KIF2A: variants seen among roughly 807,000 people sequenced by gnomAD.
The protein encoded by KIF2A is kinesin family member 2A.
A neutral mutation model predicts 100.2 loss-of-function variants in KIF2A; 22 were observed. The ratio of observed to expected loss-of-function variants is 0.22; its 90% CI spans 0.16 to 0.31. The LOEUF (loss-of-function observed/expected upper bound fraction) is 0.31. KIF2A is among the 10% of genes least tolerant of loss of function. The pLI, the probability that KIF2A is intolerant of heterozygous loss-of-function variation, is 1.00. For missense variants in KIF2A, 495 were observed against 898.7 expected, an observed-to-expected ratio of 0.55 and a Z score of 5.74; for synonymous variants, 268 against 285.9, an observed-to-expected ratio of 0.94 and a Z score of 0.63.
intron 1 of KIF2A, among the ~76,000 whole-genome samples, chr5:62,316,035 C>T (rs1312631269): frequency 1.3e-5 from 2 of 152,142 alleles, no homozygotes; most frequent in Admixed American, 6.6e-5. Flanking sequence ...ATCAGGCTAA[C>T]GCTGTTCAAG....
At chr5:62,333,263 G>T (rs532995205) in intron 1 of KIF2A, among the ~76,000 whole-genome samples, 50 of 152,328 alleles carry the variant, frequency 3.3e-4, no homozygotes, top group Admixed American at 5.2e-4. Context: ...AAACCAAGAG[G>T]TGTTCTATTG....
chr5:62,327,484 A>G (rs1344818730), intron 1 of KIF2A, among the ~76,000 whole-genome samples: 2 of 152,194 alleles, frequency 1.3e-5, no homozygotes, highest in Non-Finnish European at 2.9e-5. Context: ...ATTTAAATTG[A>G]CAATCCCCAA....
intron 1 of KIF2A, among the ~76,000 whole-genome samples, chr5:62,346,217 C>T (rs1037963880): frequency 2.0e-5 from 3 of 152,038 alleles, no homozygotes; most frequent in African/African-American, 4.8e-5. Context: ...AAGTTTACTA[C>T]ATTATATATA....
At chr5:62,369,455 G>A (rs989997142) in intron 16 of KIF2A, among the ~76,000 whole-genome samples, 1 of 152,180 alleles carries the variant, frequency 6.6e-6, no homozygotes, top group Non-Finnish European at 1.5e-5. Context: ...GAACAGCCTG[G>A]AGGAAGTTGC....
In KIF2A at chr5:62,387,395, C is replaced by T. The variant is rs1742084491; in HGVS notation, c.*1826C>T. 1 of 152,146 alleles carries T rather than the reference C, an allele frequency of 6.6e-6. No homozygotes were observed. The highest frequency in any genetic ancestry group is 2.1e-4 in the South Asian group (1 of 4,832). 9.4% of individuals were successfully genotyped at this position (152,146 alleles called of 1,614,324 possible). ...GGCAATAAAGACATGTGAATTTGCTCATTTTAAAGCACAACAGATGATTAG... is the reference window on the plus strand; with the variant it reads ...GGCAATAAAGACATGTGAATTTGCTTATTTTAAAGCACAACAGATGATTAG... On this transcript the variant is annotated 3_prime_UTR_variant, in exon 21 of 21. Coordinates refer to ENST00000407818, the MANE Select transcript of KIF2A (RefSeq NM_001098511.3).
At chr5:62,353,854 C>T (rs2111928705) in intron 6 of KIF2A, among the ~76,000 whole-genome samples, 1 of 151,846 alleles carries the variant, frequency 6.6e-6, no homozygotes, top group South Asian at 2.1e-4. Flanking sequence ...ATTGTGTCCC[C>T]CTCAGGGTCC....
At chr5:62,355,073 A>G in intron 6 of KIF2A, 86 bp from the exon 7 acceptor site, 1 of 665,188 alleles carries the variant, frequency 1.5e-6, no homozygotes, top group Non-Finnish European at 2.6e-6. Context: ...AAATGGCACA[A>G]TTTAATTTTA....
In KIF2A at chr5:62,365,481, T is replaced by C. The variant is rs536332500; in HGVS notation, c.1578+128T>C. 1.1e-3 allele frequency: 583 copies of C among 543,810 alleles called. 3 individuals are homozygous for C. Among genetic ancestry groups the C allele is most frequent in the South Asian group, 4.5e-3 (166 of 36,658 alleles). 33.7% of individuals were successfully genotyped at this position (543,810 alleles called of 1,614,324 possible). On this transcript the variant is annotated intron_variant, in intron 15 of 20. Coordinates refer to ENST00000407818, the MANE Select transcript of KIF2A (RefSeq NM_001098511.3). ...TTCTATTTTGAGTGATATGGTGATA[T>C]TTAAGATGTGGTCCCTGCCACTCTG...
At chr5:62,321,435 TC>T (rs1746086442) in intron 1 of KIF2A, among the ~76,000 whole-genome samples, 1 of 152,248 alleles carries the variant, frequency 6.6e-6, no homozygotes, top group South Asian at 2.1e-4. Context: ...TTATTTTCCA[TC>T]TTTTTTATTA....
intron 20 of KIF2A, among the ~76,000 whole-genome samples, chr5:62,382,751 A>T (rs550410576): frequency 6.6e-6 from 1 of 150,470 alleles, no homozygotes; most frequent in South Asian, 2.1e-4. Flanking sequence ...TTCCTGCCTC[A>T]GCCTCCCGAG....
chr5:62,311,386 A>T (rs1032771498), intron 1 of KIF2A, among the ~76,000 whole-genome samples: 2 of 152,222 alleles, frequency 1.3e-5, no homozygotes, highest in African/African-American at 4.8e-5. Context: ...ATGTTACTAC[A>T]AGTTCACCAA....
intron 1 of KIF2A, among the ~76,000 whole-genome samples, chr5:62,344,542 T>A (rs1747460148): frequency 6.6e-6 from 1 of 152,082 alleles, no homozygotes; most frequent in African/African-American, 2.4e-5. Flanking sequence ...GAGGAATAGG[T>A]CCCACTGTTG....
At chr5:62,340,144 C>T (rs917831578) in intron 1 of KIF2A, among the ~76,000 whole-genome samples, 1 of 151,950 alleles carries the variant, frequency 6.6e-6, no homozygotes, top group Non-Finnish European at 1.5e-5. Flanking sequence ...ACCATGTTGG[C>T]CAGGCTGGTC....
Position 62,329,127 on chromosome 5 carries a change from C to T in KIF2A, c.65-18003C>T, listed in dbSNP as rs540554314. ...AGCTATATCATTTTCTTTTTTCTCT[C>T]CTTGTTCCAAACTTTCAGGTTTGTG... On this transcript the variant is annotated intron_variant, in intron 1 of 20. Coordinates refer to ENST00000407818, the MANE Select transcript of KIF2A (RefSeq NM_001098511.3). Among the ~76,000 whole-genome samples the T allele has an allele frequency of 7.2e-5, 11 of 151,984 alleles. No individual in the cohort carries two copies. In the South Asian group the frequency reaches 1.0e-3, roughly 14 times the overall value.
chr5:62,374,248 A>G (rs887170592), intron 18 of KIF2A, among the ~76,000 whole-genome samples: 64 of 152,140 alleles, frequency 4.2e-4, no homozygotes, highest in African/African-American at 1.5e-3. Flanking sequence ...GGGTCAGCAA[A>G]CTACAGCCTG....
intron 7 of KIF2A, among the ~76,000 whole-genome samples, chr5:62,355,860 G>GTGA (rs1344968158): frequency 6.7e-6 from 1 of 149,836 alleles, no homozygotes; most frequent in East Asian, 2.0e-4. Flanking sequence ...GTGCAATGGT[G>GTGA]TGATCTCCGC....
intron 9 of KIF2A, among the ~76,000 whole-genome samples, chr5:62,359,996 T>G (rs575089066): frequency 5.1e-4 from 78 of 152,168 alleles, no homozygotes; most frequent in Admixed American, 1.0e-3. Flanking sequence ...TCTTTTTTTT[T>G]TTTTGTTTTT....
chr5:62,326,191 T>A (rs1397294947), intron 1 of KIF2A, among the ~76,000 whole-genome samples: 1 of 152,224 alleles, frequency 6.6e-6, no homozygotes, highest in Non-Finnish European at 1.5e-5. Flanking sequence ...TTTTAGGTAC[T>A]ATCCCATGTA....
chr5:62,362,457 T>G lies in KIF2A; in HGVS notation c.1035T>G (p.Asp345Glu). 7.0e-7 allele frequency: 1 copy of G among 1,428,974 alleles called. No homozygotes were observed. The highest frequency in any genetic ancestry group is 2.7e-5 in the East Asian group (1 of 36,674). The allele number at this position is 1,428,974 out of a possible 1,614,324, so 88.5% of individuals were successfully genotyped here. The change falls in exon 12 of 21, where the codon GAT becomes GAG. Residue 345 changes from aspartate to glutamate, a missense_variant. Asp to Glu is a conservative substitution (Grantham distance 45). This residue lies in a region of KIF2A where 109 missense variants were observed against 244.2 expected (regional missense o/e 0.45). Transcript: ENST00000407818. ...ATATGAAATTTTTGACAGCTCGAGATGTCTTTTTAATGCTAAAGAAGCCAA... is the reference window on the plus strand; with the variant it reads ...ATATGAAATTTTTGACAGCTCGAGAGGTCTTTTTAATGCTAAAGAAGCCAA... ...SKGIYALAARDVFLMLKKPNY... is the reference protein window; with the variant it reads ...SKGIYALAAREVFLMLKKPNY...
Sources: allele counts gnomAD v4.1 joint callset (sites outside exome capture counted in the v4.1 genomes callset), GRCh38; gene constraint gnomAD v4.1.1; regional missense constraint gnomAD v4.1.1; transcripts MANE v1.5; gene names NCBI Gene and HGNC (gene_info 2026-07-23, HGNC 2026-07-21).